Variants in ADGRL2 observed in about 807,000 individuals in gnomAD.
ADGRL2 encodes calcium-independent alpha-latrotoxin receptor 2.
ADGRL2 carries 44 observed loss-of-function variants against 157.4 expected under a neutral mutation model. The observed-to-expected ratio is 0.28, with a 90% CI of 0.22 to 0.36. The LOEUF (loss-of-function observed/expected upper bound fraction) is 0.36, where lower values mean the gene tolerates loss of function less well. Among genes scored for constraint, ADGRL2 ranks in the 10% least tolerant of loss-of-function variants. ADGRL2 has a pLI of 1.00. For synonymous variants in ADGRL2, 585 were observed against 624.7 expected, an observed-to-expected ratio of 0.94 and a Z score of 0.95; for missense variants, 1,510 against 1,768.9, an observed-to-expected ratio of 0.85 and a Z score of 2.63.
At chr1:81,486,597 A>G (rs2078507620) in intron 2 of ADGRL2, among the ~76,000 whole-genome samples, 1 of 152,196 alleles carries the variant, frequency 6.6e-6, no homozygotes, top group Non-Finnish European at 1.5e-5. Flanking sequence ...ATTTAAAATG[A>G]GTATTAAATT....
At chr1:81,916,911 C>G (rs957918882) in intron 3 of ADGRL2, among the ~76,000 whole-genome samples, 10 of 151,568 alleles carry the variant, frequency 6.6e-5, no homozygotes, top group Non-Finnish European at 1.0e-4. Flanking sequence ...AGGTTAGGAA[C>G]ACGATAGCAT....
rs1174898495 is a variant in ADGRL2, at chr1:81,570,698, C to T, written c.-247-10178C>T. 2.6e-5 allele frequency among the ~76,000 whole-genome samples: 4 copies of T among 152,170 alleles called. No individual in the cohort carries two copies. The East Asian group carries it at 7.7e-4, about 29-fold the overall frequency. On this transcript the variant is annotated intron_variant, in intron 2 of 24. Transcript: ENST00000370721. ...GCCACTGTGCCTGGCCTGGATATTA[C>T]TTTTATTGGATAAAATTCCTAGAAT...
chr1:81,555,054 G>C (rs1055919250), intron 2 of ADGRL2, among the ~76,000 whole-genome samples: 10 of 151,924 alleles, frequency 6.6e-5, no homozygotes, highest in Non-Finnish European at 1.5e-4. Flanking sequence ...ACACATGAGT[G>C]GATGTCAGTA....
chr1:81,577,734 A>C (rs1570552053), intron 2 of ADGRL2, among the ~76,000 whole-genome samples: 1 of 152,190 alleles, frequency 6.6e-6, no homozygotes, highest in African/African-American at 2.4e-5. Flanking sequence ...CTAGGCAAAA[A>C]ATTCAAGTTG....
rs1051380199 is a variant in ADGRL2 at position 81,992,316 on chromosome 1, T to C, written c.*1171T>C. 6.6e-4 allele frequency: 100 copies of C among 152,064 alleles called. No homozygotes were observed. Among genetic ancestry groups the C allele is most frequent in the African/African-American group, 2.3e-3 (95 of 41,516 alleles). The allele number at this position is 152,064 out of a possible 1,614,324, so 9.4% of individuals were successfully genotyped here. Reference sequence around the variant, plus strand: ...GTAAATTGTTTCAGCAAAATTCTGCTTTTTTTTCATCCCTTTGTGTAAACC... The same window carrying C: ...GTAAATTGTTTCAGCAAAATTCTGCCTTTTTTTCATCCCTTTGTGTAAACC... On this transcript the variant is annotated 3_prime_UTR_variant, in exon 24 of 24. Coordinates refer to ENST00000686636, the MANE Select transcript of ADGRL2 (RefSeq NM_001366006.2).
chr1:81,851,178 C>A (rs2092992666), intron 2 of ADGRL2, among the ~76,000 whole-genome samples: 1 of 151,804 alleles, frequency 6.6e-6, no homozygotes, highest in African/African-American at 2.4e-5. Context: ...ATAGCAAGCC[C>A]TAGTTATTTA....
chr1:81,963,674 GAATA>G (rs1248169724), intron 11 of ADGRL2, among the ~76,000 whole-genome samples: 1 of 151,332 alleles, frequency 6.6e-6, no homozygotes, highest in Non-Finnish European at 1.5e-5. Flanking sequence ...TGAATTATAT[GAATA>G]CATTTTCTAA....
chr1:81,981,782 T>TA (rs779933665), intron 18 of ADGRL2, 26 bp from the exon 19 acceptor site: 2 of 1,594,624 alleles, frequency 1.3e-6, no homozygotes, highest in South Asian at 1.1e-5. Flanking sequence ...TTGAACCTGT[T>TA]AAAAAAGTTC....
chr1:81,490,153 C>CA (rs2078599965), intron 2 of ADGRL2, among the ~76,000 whole-genome samples: 1 of 136,728 alleles, frequency 7.3e-6, no homozygotes, highest in Non-Finnish European at 1.5e-5. Flanking sequence ...TTTTTCGAGA[C>CA]AGAGTTTCGC....
chr1:81,671,743 C>T (rs2082880275), intron 3 of ADGRL2, among the ~76,000 whole-genome samples: 1 of 152,140 alleles, frequency 6.6e-6, no homozygotes, highest in Non-Finnish European at 1.5e-5. Context: ...AAACTCCTGA[C>T]CTCAGGTGAT....
At chr1:81,368,880 T>A (rs12059736) in intron 1 of ADGRL2, among the ~76,000 whole-genome samples, 18,439 of 152,200 alleles carry the variant, frequency 0.12, 1,277 homozygotes, top group African/African-American at 0.16. Flanking sequence ...GAGCTAGCTC[T>A]TATTTGTCAT....
chr1:81,931,103 C>G (rs866749290), intron 3 of ADGRL2, among the ~76,000 whole-genome samples: 1 of 152,134 alleles, frequency 6.6e-6, no homozygotes. Flanking sequence ...GAGCCAAGAT[C>G]GTGCCACTGC....
intron 2 of ADGRL2, among the ~76,000 whole-genome samples, chr1:81,791,487 A>G (rs1042338001): frequency 1.3e-5 from 2 of 152,208 alleles, no homozygotes; most frequent in Non-Finnish European, 2.9e-5. Flanking sequence ...TGTCCTCTCT[A>G]GTAAATTAAT....
intron 1 of ADGRL2, among the ~76,000 whole-genome samples, chr1:81,820,227 A>C (rs1355393993): frequency 6.6e-6 from 1 of 152,198 alleles, no homozygotes; most frequent in Admixed American, 6.6e-5. Flanking sequence ...AATGCTTATC[A>C]TCGATTATAA....
chr1:81,714,851 G>A, intron 1 of ADGRL2, among the ~76,000 whole-genome samples: 1 of 145,288 alleles, frequency 6.9e-6, no homozygotes, highest in Non-Finnish European at 1.5e-5. Flanking sequence ...GGCATGTTTT[G>A]TTTTTTTTTT....
intron 2 of ADGRL2, chr1:81,505,101 C>A (rs1339000232): frequency 2.1e-5 from 9 of 428,504 alleles, no homozygotes; most frequent in African/African-American, 1.8e-4. Flanking sequence ...GAAAGGGAAT[C>A]AAAAGCTTGA....
chr1:81,563,530 C>A (rs541143094), intron 2 of ADGRL2, among the ~76,000 whole-genome samples: 1 of 151,976 alleles, frequency 6.6e-6, no homozygotes, highest in Admixed American at 6.5e-5. Flanking sequence ...ATTAATATGG[C>A]CTGTATGATG....
At chr1:81,356,952 C>CAAAAAAAAAAAAAAAAAAAAAAA (rs757239865) in intron 1 of ADGRL2, among the ~76,000 whole-genome samples, 27 of 55,666 alleles carry the variant, frequency 4.9e-4, no homozygotes, top group African/African-American at 1.6e-3. Context: ...GACTCCGTCT[C>CAAAAAAAAAAAAAAAAAAAAAAA]AAAAAAAAAA....
intron 2 of ADGRL2, among the ~76,000 whole-genome samples, chr1:81,490,958 G>A (rs1002708149): frequency 2.0e-5 from 3 of 152,088 alleles, no homozygotes; most frequent in African/African-American, 7.2e-5. Flanking sequence ...GACCTTGTGG[G>A]CCAGATAACT....
Sources: allele counts gnomAD v4.1 joint callset (sites outside exome capture counted in the v4.1 genomes callset), GRCh38; gene constraint gnomAD v4.1.1; transcripts MANE v1.5; gene names NCBI Gene and HGNC (gene_info 2026-07-23, HGNC 2026-07-21).